Variants in B4GALT5 observed in about 807,000 individuals in gnomAD.
B4GALT5 encodes beta-1,4-galactosyltransferase 5, also known as UDP-Gal:beta-GlcNAc beta-1,4-galactosyltransferase 5.
B4GALT5 carries 11 observed loss-of-function variants against 45.0 expected under a neutral mutation model. The observed-to-expected ratio is 0.24, with a 90% CI of 0.15 to 0.40. The LOEUF is 0.40. Among genes scored for constraint, B4GALT5 ranks in the 10% least tolerant of loss-of-function variants. The pLI is 1.00. For missense variants in B4GALT5, 337 were observed against 500.2 expected, an observed-to-expected ratio of 0.67 and a Z score of 3.11; for synonymous variants, 185 against 182.9, an observed-to-expected ratio of 1.01 and a Z score of -0.09.
At chr20:49,644,108 G>T (rs2085589125) in intron 3 of B4GALT5, among the ~76,000 whole-genome samples, 1 of 151,862 alleles carries the variant, frequency 6.6e-6, no homozygotes, top group Non-Finnish European at 1.5e-5. Context: ...TGTATTTTTA[G>T]TAGAGATGAG....
At chr20:49,703,240 ATTAC>A (rs986079085) in intron 1 of B4GALT5, among the ~76,000 whole-genome samples, 4 of 152,164 alleles carry the variant, frequency 2.6e-5, no homozygotes, top group Non-Finnish European at 4.4e-5. Context: ...TGTACACTTA[ATTAC>A]TTAAATTACT....
intron 2 of B4GALT5, among the ~76,000 whole-genome samples, chr20:49,651,922 T>C (rs1382571419): frequency 1.3e-5 from 2 of 151,332 alleles, no homozygotes; most frequent in East Asian, 3.9e-4. Context: ...CTACTAAAAA[T>C]ACAAAAATTA....
At chr20:49,702,255 C>A (rs890682883) in intron 1 of B4GALT5, among the ~76,000 whole-genome samples, 1 of 151,854 alleles carries the variant, frequency 6.6e-6, no homozygotes, top group African/African-American at 2.4e-5. Context: ...CACGTTAGAG[C>A]AAGAGAAACA....
Position 49,695,796 on chromosome 20 carries a change from G to A in B4GALT5, c.115+17780C>T, listed in dbSNP as rs557351981. Among the ~76,000 whole-genome samples the A allele has an allele frequency of 2.2e-4, 33 of 147,844 alleles. No homozygotes were observed. The East Asian group carries it at 4.0e-3, about 18-fold the overall frequency. On this transcript the variant is annotated intron_variant, in intron 1 of 8. Transcript: ENST00000371711. ...AAAGAATAAACTGCATGACATTAAT[G>A]ATATTCCCATTCTGTACATACAGAT...
At chr20:49,655,998 G>A (rs1411025199) in intron 2 of B4GALT5, among the ~76,000 whole-genome samples, 1 of 151,362 alleles carries the variant, frequency 6.6e-6, no homozygotes, top group Non-Finnish European at 1.5e-5. Flanking sequence ...TTAAATGTCT[G>A]TCCCCTGCAC....
chr20:49,639,861 A>G, intron 6 of B4GALT5, 61 bp from the exon 7 acceptor site: 1 of 1,590,404 alleles, frequency 6.3e-7, no homozygotes, highest in Non-Finnish European at 8.6e-7. Flanking sequence ...TTTCCCTAGA[A>G]GGTTCTCATT....
intron 5 of B4GALT5, among the ~76,000 whole-genome samples, chr20:49,642,216 A>G (rs1035402848): frequency 6.6e-6 from 1 of 151,982 alleles, no homozygotes; most frequent in African/African-American, 2.4e-5. Context: ...CACCAACAAA[A>G]CCATAATACA....
rs2085543249 is a variant in B4GALT5 at position 49,634,717 on chromosome 20, A to G, written c.*1595T>C. 1.3e-5 allele frequency: 2 copies of G among 152,360 alleles called. No individual in the cohort carries two copies. The highest frequency in any genetic ancestry group is 1.3e-4 in the Admixed American group (2 of 15,304). 9.4% of individuals were successfully genotyped at this position (152,360 alleles called of 1,614,324 possible). A position where few individuals can be genotyped will look rare whatever the true frequency, so the allele number is the denominator to read the frequency against. ...CCTGTCTCTACTAAAAATACAAAAA[A>G]TTAGCCAGGTGTGGTGGTGTGCACC... On this transcript the variant is annotated 3_prime_UTR_variant, in exon 9 of 9. Transcript: ENST00000371711.
chr20:49,701,316 T>C (rs1029968917), intron 1 of B4GALT5, among the ~76,000 whole-genome samples: 12 of 152,172 alleles, frequency 7.9e-5, no homozygotes, highest in African/African-American at 2.2e-4. Flanking sequence ...TTTAGATAAA[T>C]ACATTTGCAG....
chr20:49,674,377 T>A (rs1446007919), intron 1 of B4GALT5, among the ~76,000 whole-genome samples: 1 of 152,114 alleles, frequency 6.6e-6, no homozygotes, highest in African/African-American at 2.4e-5. Context: ...CTAGCAATGT[T>A]CACATAAGAA....
chr20:49,699,389 AC>A (rs1217787404), intron 1 of B4GALT5, among the ~76,000 whole-genome samples: 71 of 129,884 alleles, frequency 5.5e-4, no homozygotes, highest in African/African-American at 1.8e-3. Flanking sequence ...AAAAAAAAAA[AC>A]CCCACTAGTC....
At chr20:49,679,752 C>A (rs921762190) in intron 1 of B4GALT5, among the ~76,000 whole-genome samples, 16 of 152,052 alleles carry the variant, frequency 1.1e-4, no homozygotes, top group Non-Finnish European at 2.4e-4. Flanking sequence ...ACTACTGAAC[C>A]CCAAAGGACA....
chr20:49,688,889 A>T lies in B4GALT5; in HGVS notation c.115+24687T>A, dbSNP rs2085797887. Among the ~76,000 whole-genome samples the T allele has an allele frequency of 2.7e-5, 4 of 150,304 alleles. No homozygotes were observed. The South Asian group carries it at 8.5e-4, about 32-fold the overall frequency. ...GAGGCAGAGGTGGCAGTGAGCCGAG[A>T]TCGTGCCATTCCACTTCAGCCTGGG... On this transcript the variant is annotated intron_variant, in intron 1 of 8. Transcript: ENST00000371711.
intron 2 of B4GALT5, 21 bp from the exon 3 acceptor site, chr20:49,647,099 A>T (rs73910580): frequency 2.0e-6 from 3 of 1,525,044 alleles, no homozygotes; most frequent in African/African-American, 1.4e-5. Flanking sequence ...AAAGGAAAAA[A>T]GTCGATCAGA....
intron 1 of B4GALT5, among the ~76,000 whole-genome samples, chr20:49,712,778 G>A (rs1600562829): frequency 7.6e-6 from 1 of 132,434 alleles, no homozygotes; most frequent in Non-Finnish European, 1.6e-5. Flanking sequence ...AGCTGTGGCT[G>A]AAAGTCTGGG....
chr20:49,685,882 T>TTA lies in B4GALT5; in HGVS notation c.115+27692_115+27693dup, dbSNP rs1361850515. ...AAAATGCATCCCCTGAATTGAAGCT[T>TTA]TAGAGTATTTAAAGTGAAAAGCTTG... On this transcript the variant is annotated intron_variant, in intron 1 of 8. Coordinates refer to ENST00000371711, the MANE Select transcript of B4GALT5 (RefSeq NM_004776.4). Among the ~76,000 whole-genome samples, 207 of 152,034 alleles carry TTA rather than the reference T, an allele frequency of 1.4e-3. 1 individual carries two copies. Among genetic ancestry groups the TTA allele is most frequent in the African/African-American group, 4.6e-3 (189 of 41,442 alleles).
intron 1 of B4GALT5, among the ~76,000 whole-genome samples, chr20:49,660,963 C>T (rs72626551): frequency 0.016 from 2,442 of 152,242 alleles, 39 homozygotes; most frequent in East Asian, 0.083. Flanking sequence ...GTTTGGTTAA[C>T]AACAACAAAA....
chr20:49,692,218 G>C (rs1280104160), intron 1 of B4GALT5, among the ~76,000 whole-genome samples: 2 of 150,864 alleles, frequency 1.3e-5, no homozygotes, highest in African/African-American at 4.9e-5. Context: ...TGAGTGTGCT[G>C]TTTCTATTTA....
intron 1 of B4GALT5, among the ~76,000 whole-genome samples, chr20:49,711,034 G>A (rs1223322153): frequency 6.7e-6 from 1 of 148,838 alleles, no homozygotes; most frequent in Admixed American, 6.7e-5. Flanking sequence ...AGTAAGCTAT[G>A]AGCATCACTG....
Sources: gnomAD v4.1 joint callset for allele counts (sites outside exome capture counted in the v4.1 genomes callset) on GRCh38, gnomAD v4.1.1 for gene constraint, MANE v1.5 for transcripts, NCBI Gene and HGNC (gene_info 2026-07-23, HGNC 2026-07-21) for gene names.